EFCAB6: variants seen among roughly 807,000 people sequenced by gnomAD.
EFCAB6 encodes the protein EF-hand calcium binding domain 6.
In EFCAB6, 156 loss-of-function variants were observed where a neutral mutation model predicts 169.8. The observed-to-expected ratio is 0.92, with a 90% CI of 0.81 to 1.05. EFCAB6 has a LOEUF of 1.05. Ranked by LOEUF, EFCAB6 falls within the 50% of genes least tolerant of loss-of-function variation. The pLI, the probability that EFCAB6 is intolerant of heterozygous loss-of-function variation, is 0.00. For synonymous variants in EFCAB6, 698 were observed against 676.4 expected (o/e 1.03, Z -0.50); for missense variants, 1,800 against 1,829.1 (o/e 0.98, Z 0.29).
At chr22:43,554,354 AC>A (rs2147067062) in intron 27 of EFCAB6, 1 of 162,800 alleles carries the variant, frequency 6.1e-6, no homozygotes, top group East Asian at 1.8e-4. Context: ...CTTCTTCAGC[AC>A]CCAGCACAAG....
intron 27 of EFCAB6, among the ~76,000 whole-genome samples, chr22:43,545,015 C>T (rs1012214189): frequency 2.0e-5 from 3 of 151,928 alleles, no homozygotes; most frequent in Non-Finnish European, 2.9e-5. Flanking sequence ...GGCGTGGTGG[C>T]GGGCGCCTGT....
At chr22:43,655,218 C>G (rs2056676477) in intron 17 of EFCAB6, among the ~76,000 whole-genome samples, 1 of 152,158 alleles carries the variant, frequency 6.6e-6, no homozygotes, top group South Asian at 2.1e-4. Context: ...GATCATGCCA[C>G]TGCACTCCAG....
At chr22:43,758,250 G>C (rs1169161877) in intron 5 of EFCAB6, among the ~76,000 whole-genome samples, 4 of 151,962 alleles carry the variant, frequency 2.6e-5, no homozygotes, top group Non-Finnish European at 5.9e-5. Context: ...ATTTAATGTA[G>C]TCATGTTATA....
At chr22:43,707,135 T>C (rs141936430) in intron 10 of EFCAB6, among the ~76,000 whole-genome samples, 1 of 152,284 alleles carries the variant, frequency 6.6e-6, no homozygotes, top group African/African-American at 2.4e-5. Context: ...GGGGTTTTAA[T>C]GCACATTTGG....
intron 3 of EFCAB6, 86 bp downstream of exon 3, chr22:43,782,094 G>T: frequency 7.5e-7 from 1 of 1,332,136 alleles, no homozygotes; most frequent in African/African-American, 1.5e-5. Context: ...AATGTCATAT[G>T]AGTCCTTTGA....
intron 24 of EFCAB6, among the ~76,000 whole-genome samples, chr22:43,581,541 A>T (rs940593200): frequency 1.3e-5 from 2 of 152,248 alleles, no homozygotes; most frequent in African/African-American, 4.8e-5. Context: ...TCTATTAAAG[A>T]TGCAAAATAA....
rs958370300 is a variant in EFCAB6, at chr22:43,640,472, T to A, written c.1984-5256A>T. Reference sequence around the variant, plus strand: ...TGTTCTGCTCATATGTGGTTTAGAGTCAGCCAGAGATTGAGGAAGAATCTA... The same window carrying A: ...TGTTCTGCTCATATGTGGTTTAGAGACAGCCAGAGATTGAGGAAGAATCTA... On this transcript the variant is annotated intron_variant, in intron 17 of 31. Transcript: ENST00000262726. Among the ~76,000 whole-genome samples, 5 of 152,152 alleles carry A rather than the reference T, an allele frequency of 3.3e-5. No homozygotes were observed. In the East Asian group the frequency reaches 9.6e-4, roughly 29 times the overall value.
chr22:43,534,808 G>A lies in EFCAB6; in HGVS notation c.4113C>T (p.Tyr1371=), dbSNP rs762346657. 1.1e-5 allele frequency: 17 copies of A among 1,613,744 alleles called. No homozygotes were observed. In the Admixed American group the frequency reaches 1.3e-4, roughly 13 times the overall value. The change falls in exon 30 of 32, where the codon TAC becomes TAT. Residue 1371 remains tyrosine (Y), a synonymous_variant. Coordinates refer to ENST00000262726, the MANE Select transcript of EFCAB6 (RefSeq NM_022785.4). ...KEECQQLIIK[Y]DLKSNGKFAY... ...CAAATTTCCCGTTGCTCTTTAAGTCGTATTTTATAATGAGCTGCTGACACT... is the reference window on the plus strand; with the variant it reads ...CAAATTTCCCGTTGCTCTTTAAGTCATATTTTATAATGAGCTGCTGACACT...
chr22:43,710,659 A>T (rs747671772), intron 10 of EFCAB6, among the ~76,000 whole-genome samples: 1 of 152,216 alleles, frequency 6.6e-6, no homozygotes. Flanking sequence ...ATAGACACAG[A>T]ATGTCATCAT....
intron 2 of EFCAB6, among the ~76,000 whole-genome samples, chr22:43,782,950 C>G (rs1377923148): frequency 1.3e-5 from 2 of 152,156 alleles, no homozygotes; most frequent in Non-Finnish European, 2.9e-5. Flanking sequence ...CTCCCCCTGC[C>G]CCAACAGCTT....
At chr22:43,674,277 T>TATTC (rs775751794) in intron 13 of EFCAB6, among the ~76,000 whole-genome samples, 26 of 152,262 alleles carry the variant, frequency 1.7e-4, no homozygotes, top group Non-Finnish European at 3.1e-4. Context: ...CATTCATGTT[T>TATTC]ATTCATTCAT....
intron 15 of EFCAB6, among the ~76,000 whole-genome samples, chr22:43,670,434 T>A (rs1478033209): frequency 6.6e-6 from 1 of 152,194 alleles, no homozygotes; most frequent in Non-Finnish European, 1.5e-5. Context: ...ATAATAAAAG[T>A]ACCAAGGACT....
intron 6 of EFCAB6, among the ~76,000 whole-genome samples, chr22:43,749,771 C>T (rs968417229): frequency 6.6e-6 from 1 of 152,194 alleles, no homozygotes; most frequent in South Asian, 2.1e-4. Flanking sequence ...TAACTTCCCA[C>T]GTAAGAACTC....
In EFCAB6 at chr22:43,600,163, A is replaced by T; in HGVS notation, c.2782T>A (p.Tyr928Asn). 3 of 1,614,148 alleles carry T rather than the reference A, an allele frequency of 1.9e-6. No individual in the cohort carries two copies. Among genetic ancestry groups the T allele is most frequent in the Non-Finnish European group, 2.5e-6 (3 of 1,180,008 alleles). The change falls in exon 23 of 32, where the codon TAT (tyrosine) becomes AAT (asparagine). Residue 928 changes from tyrosine to asparagine, a missense_variant. Tyr to Asn is a moderately radical substitution (Grantham distance 143). Transcript: ENST00000262726. ...GTAAAATGACCCATGAAGTTGAAAT[A>T]ATCCTCTGCACAGGGCCGATGGACA... is the stretch of plus-strand genomic sequence containing the variant. ...PAVHRPCAED[Y>N]FNFMGHFTKP... is the part of the protein sequence containing the mutation.
Position 43,576,342 on chromosome 22 carries a change from T to G in EFCAB6, c.3375A>C (p.Ile1125=). The change falls in exon 26 of 32, where the codon ATA becomes ATC. Residue 1125 remains isoleucine (I), a synonymous_variant. Coordinates refer to ENST00000262726, the MANE Select transcript of EFCAB6 (RefSeq NM_022785.4). The part of the protein sequence containing the change: ...RKLRIHLTPY[I]NWKYFLQNFS... ...AGTTCTGGAGAAAATATTTCCAATT[T>G]ATATAGGGGGTTAGATGAATTCTTA... The G allele has an allele frequency of 6.3e-7, 1 of 1,596,446 alleles. No individual in the cohort carries two copies. Among genetic ancestry groups the G allele is most frequent in the East Asian group, 2.3e-5 (1 of 44,262 alleles).
Position 43,529,339 on chromosome 22 carries a change from C to T in EFCAB6, c.4384-364G>A, listed in dbSNP as rs144664911. On this transcript the variant is annotated intron_variant, in intron 31 of 31. Transcript: ENST00000262726. ...TAACTTGGGGCAGAGCCTCAGGGTG[C>T]GCCCAGGCAGGGGAGGGCAGGGCCA... Among the ~76,000 whole-genome samples, 429 of 152,304 alleles carry T rather than the reference C, an allele frequency of 2.8e-3. 3 individuals carry two copies. The highest frequency in any genetic ancestry group is 9.6e-3 in the African/African-American group (397 of 41,554).
intron 17 of EFCAB6, among the ~76,000 whole-genome samples, chr22:43,656,103 G>C (rs2056725325): frequency 1.3e-5 from 2 of 152,136 alleles, no homozygotes; most frequent in Admixed American, 1.3e-4. Context: ...CAAAAATGTG[G>C]TAAGGGGCCG....
At position 43,626,647 on chromosome 22, in the gene EFCAB6, A is replaced by G. The variant is rs765012960; in HGVS notation, c.2265T>C (p.Ala755=). ...DPYSAFFKTD[A]DRDGIINMHD... The stretch of plus-strand genomic sequence containing the variant: ...GCATGTTGATTATGCCATCCCTGTC[A>G]GCATCTGTTTTAAAGAAGGCAGAGT... The change falls in exon 20 of 32, where the codon GCT becomes GCC. Residue 755 remains alanine (A), a synonymous_variant. Coordinates refer to ENST00000262726, the MANE Select transcript of EFCAB6 (RefSeq NM_022785.4). The G allele has an allele frequency of 6.2e-7, 1 of 1,614,210 alleles. No individual in the cohort carries two copies. Among genetic ancestry groups the G allele is most frequent in the East Asian group, 2.2e-5 (1 of 44,886 alleles).
chr22:43,590,964 C>A (rs2051470930), intron 23 of EFCAB6, among the ~76,000 whole-genome samples: 1 of 151,928 alleles, frequency 6.6e-6, no homozygotes, highest in African/African-American at 2.4e-5. Context: ...TGCCAGAGAC[C>A]CCATTTTGTT....
Sources: allele counts gnomAD v4.1 joint callset (sites outside exome capture counted in the v4.1 genomes callset), GRCh38; gene constraint gnomAD v4.1.1; transcripts MANE v1.5; gene names NCBI Gene and HGNC (gene_info 2026-07-23, HGNC 2026-07-21).